The following SPATA18 variants were observed in gnomAD, a reference collection of about 807,000 sequenced individuals.
The protein encoded by SPATA18 is spermatogenesis associated 18, also known as mitochondria-eating protein.
Under a neutral mutation model 68.1 loss-of-function variants are expected in SPATA18, and 54 were observed. That is an observed-to-expected ratio of 0.79 (90% CI 0.64 to 0.99). The LOEUF (loss-of-function observed/expected upper bound fraction) is 0.99, where lower values mean the gene tolerates loss of function less well. Among genes scored for constraint, SPATA18 ranks in the 50% least tolerant of loss-of-function variants. The probability of loss-of-function intolerance (pLI) is 0.00; values close to 1 mark genes in which losing one functional copy is unlikely to be tolerated. For missense variants in SPATA18, 724 were observed against 681.1 expected, an observed-to-expected ratio of 1.06 and a Z score of -0.70; for synonymous variants, 242 against 244.8, an observed-to-expected ratio of 0.99 and a Z score of 0.11.
chr4:52,087,934 C>G (rs1324712677), intron 11 of SPATA18, among the ~76,000 whole-genome samples: 1 of 152,156 alleles, frequency 6.6e-6, no homozygotes, highest in Non-Finnish European at 1.5e-5. Context: ...TTTGTGTCTT[C>G]TCTGATTTCC....
Position 52,051,606 on chromosome 4 carries a change from C to T in SPATA18, c.-99C>T. The T allele has an allele frequency of 2.6e-6, 3 of 1,132,398 alleles. No homozygotes were observed. Among genetic ancestry groups the T allele is most frequent in the Non-Finnish European group, 2.7e-6 (2 of 747,294 alleles). 70.1% of individuals were successfully genotyped at this position (1,132,398 alleles called of 1,614,324 possible). On this transcript the variant is annotated 5_prime_UTR_variant, in exon 1 of 13. Transcript: ENST00000295213. ...GCGCTCTGAGCCCCCCAGAAGAGAA[C>T]ACCCTTCCCGCCATATCACCCCACG...
chr4:52,079,060 G>C (rs1156996315), intron 8 of SPATA18, among the ~76,000 whole-genome samples, 167 bp downstream of exon 8: 2 of 152,118 alleles, frequency 1.3e-5, no homozygotes, highest in Non-Finnish European at 2.9e-5. Flanking sequence ...ATTATTGACT[G>C]TTTCTTCCTT....
intron 11 of SPATA18, among the ~76,000 whole-genome samples, chr4:52,086,170 T>C (rs553549497): frequency 2.0e-5 from 3 of 152,300 alleles, no homozygotes; most frequent in Non-Finnish European, 1.5e-5. Flanking sequence ...GCCTCTAGCA[T>C]GCAGCTGTAG....
intron 1 of SPATA18, among the ~76,000 whole-genome samples, chr4:52,053,798 C>T (rs1442375612): frequency 2.0e-5 from 3 of 152,190 alleles, no homozygotes; most frequent in African/African-American, 7.2e-5. Context: ...CTTCTCCATC[C>T]TTGATCATCT....
intron 9 of SPATA18, among the ~76,000 whole-genome samples, chr4:52,081,907 T>C (rs192897967): frequency 6.9e-5 from 1 of 14,400 alleles, no homozygotes; most frequent in Non-Finnish European, 3.3e-3. Context: ...TGATGACTTA[T>C]CATGGGATTG....
chr4:52,070,461 G>T (rs1478965613), intron 5 of SPATA18, among the ~76,000 whole-genome samples: 1 of 148,838 alleles, frequency 6.7e-6, no homozygotes, highest in Non-Finnish European at 1.5e-5. Flanking sequence ...TAAACTTCTA[G>T]AAGGGGAAAA....
intron 1 of SPATA18, 90 bp downstream of exon 1, chr4:52,051,881 G>A (rs1737907772): frequency 5.6e-6 from 7 of 1,248,280 alleles, no homozygotes; most frequent in Non-Finnish European, 8.1e-6. Context: ...GGAGTTGGTG[G>A]CCACTTTGCA....
chr4:52,073,053 C>T (rs1335529320), intron 6 of SPATA18, among the ~76,000 whole-genome samples: 1 of 152,174 alleles, frequency 6.6e-6, no homozygotes, highest in African/African-American at 2.4e-5. Flanking sequence ...CTAATGTGTT[C>T]TGCTCCAGGC....
Position 52,060,870 on chromosome 4 carries a change from T to A in SPATA18, c.282T>A (p.Ser94=), listed in dbSNP as rs1191108393. 1.2e-6 allele frequency: 2 copies of A among 1,613,884 alleles called. No homozygotes were observed. The highest frequency in any genetic ancestry group is 1.7e-6 in the Non-Finnish European group (2 of 1,179,932). Residue 94 remains serine (S), a synonymous_variant, in exon 3 of 13, where the codon TCT becomes TCA. Transcript: ENST00000295213. ...TTACTGCTGCTTCCCTGGGAAAATC[T>A]GTTGACAGCAAGGTCCCCTCTCTGC... is the stretch of plus-strand genomic sequence containing the variant. ...ASFTAASLGK[S]VDSKVPSLQD...
intron 8 of SPATA18, 31 bp downstream of exon 8, chr4:52,078,924 T>C: frequency 1.3e-6 from 2 of 1,529,628 alleles, no homozygotes; most frequent in South Asian, 2.5e-5. Flanking sequence ...TAGGACTGGT[T>C]TGCTGCTGCT....
intron 5 of SPATA18, 151 bp from the exon 6 acceptor site, chr4:52,071,766 A>AT (rs1739862531): frequency 1.3e-6 from 1 of 766,684 alleles, no homozygotes; most frequent in Non-Finnish European, 2.1e-6. Context: ...ATTCATGTGT[A>AT]TTTCCATCAG....
chr4:52,064,836 A>G (rs941286955), intron 4 of SPATA18, among the ~76,000 whole-genome samples: 1 of 152,162 alleles, frequency 6.6e-6, no homozygotes, highest in Admixed American at 6.6e-5. Flanking sequence ...ACTTTTAGTT[A>G]AGGAATCTCC....
At position 52,084,916 on chromosome 4, in the gene SPATA18, T is replaced by G; in HGVS notation, c.1480T>G (p.Trp494Gly). 6 of 1,613,962 alleles carry G rather than the reference T, an allele frequency of 3.7e-6. No homozygotes were observed. Among genetic ancestry groups the G allele is most frequent in the Non-Finnish European group, 5.1e-6 (6 of 1,179,902 alleles). Residue 494 changes from tryptophan to glycine, a missense_variant and splice_region_variant, in exon 11 of 13, where the codon TGG becomes GGG. By Grantham distance (184) the Trp-to-Gly change is radical. Transcript: ENST00000295213. ...TCTCTCTTTCTCTCTCTTTTTTAAG[T>G]GGAATTCGGTGCGATCTGTAAGTCG... ...GEAVTRRGAF[W>G]NSVRSVSRCR...
At chr4:52,065,515 C>G (rs1271961021) in intron 4 of SPATA18, among the ~76,000 whole-genome samples, 4 of 152,160 alleles carry the variant, frequency 2.6e-5, no homozygotes, top group African/African-American at 9.7e-5. Context: ...ATGTGGTTTG[C>G]CAGTTTTCCC....
chr4:52,089,074 G>GTGTT (rs759459903), intron 11 of SPATA18, among the ~76,000 whole-genome samples: 25 of 152,168 alleles, frequency 1.6e-4, no homozygotes, highest in Non-Finnish European at 2.9e-4. Flanking sequence ...TTGTGAAGAG[G>GTGTT]TGTTTATAGT....
intron 4 of SPATA18, among the ~76,000 whole-genome samples, chr4:52,069,089 G>A (rs1739577545): frequency 6.6e-6 from 1 of 151,998 alleles, no homozygotes; most frequent in Non-Finnish European, 1.5e-5. Context: ...GGCTTGTCTT[G>A]AACTCCTGAG....
chr4:52,079,571 T>G (rs1424102791), intron 8 of SPATA18, among the ~76,000 whole-genome samples, 173 bp from the exon 9 acceptor site: 1 of 152,240 alleles, frequency 6.6e-6, no homozygotes, highest in East Asian at 1.9e-4. Context: ...CCTTCTTCCC[T>G]GTGAATGGGT....
intron 1 of SPATA18, among the ~76,000 whole-genome samples, chr4:52,058,292 T>G (rs1017625093): frequency 3.3e-5 from 5 of 151,328 alleles, no homozygotes; most frequent in Admixed American, 1.3e-4. Context: ...AAAGAACTCA[T>G]GATCTTTTTG....
intron 1 of SPATA18, among the ~76,000 whole-genome samples, chr4:52,059,776 T>C (rs1461007556): frequency 1.3e-5 from 2 of 152,354 alleles, no homozygotes; most frequent in Non-Finnish European, 2.9e-5. Context: ...ACCTTCTTGC[T>C]GTTAAGAAGT....
Sources: allele counts gnomAD v4.1 joint callset (sites outside exome capture counted in the v4.1 genomes callset), GRCh38; gene constraint gnomAD v4.1.1; transcripts MANE v1.5; gene names NCBI Gene and HGNC (gene_info 2026-07-23, HGNC 2026-07-21).